Variants in GAD2 observed in about 807,000 individuals in gnomAD.
GAD2 encodes the protein 65 kDa glutamic acid decarboxylase.
Under a neutral mutation model 80.1 loss-of-function variants are expected in GAD2, and 22 were observed. That is an observed-to-expected ratio of 0.27 (90% CI 0.20 to 0.39). The LOEUF (loss-of-function observed/expected upper bound fraction) is 0.39. Among genes scored for constraint, GAD2 ranks in the 10% least tolerant of loss-of-function variants. GAD2 has a pLI of 1.00. For synonymous variants in GAD2, 274 were observed against 256.9 expected, an observed-to-expected ratio of 1.07 and a Z score of -0.64; for missense variants, 624 against 738.4, an observed-to-expected ratio of 0.85 and a Z score of 1.80.
rs765814095 is a variant in GAD2 at position 26,281,069 on chromosome 10, T to G, written c.1218T>G (p.Ala406=). ...KMMGVPLQCS[A]LLVREEGLMQ... ...TGGGAGTCCCTTTGCAGTGCTCTGC[T>G]CTCCTGGTTAGAGAAGAGGTATGTC... Residue 406 remains alanine, a synonymous_variant, in exon 12 of 16, where the codon GCT becomes GCG. Transcript: ENST00000376261. 153 of 1,613,006 alleles carry G rather than the reference T, an allele frequency of 9.5e-5. 1 individual carries two copies. Among genetic ancestry groups the G allele is most frequent in the Middle Eastern group, 1.6e-4 (1 of 6,074 alleles).
chr10:26,282,049 T>C (rs958054270), intron 12 of GAD2, among the ~76,000 whole-genome samples: 19 of 152,076 alleles, frequency 1.2e-4, no homozygotes, highest in Admixed American at 1.2e-3. Flanking sequence ...TTCAAGCGAT[T>C]CTCATATCTC....
chr10:26,293,589 C>T (rs990273095), intron 15 of GAD2, among the ~76,000 whole-genome samples: 2 of 152,164 alleles, frequency 1.3e-5, no homozygotes, highest in Admixed American at 6.5e-5. Flanking sequence ...GCAACAAGGA[C>T]GTTGCTGAAG....
At chr10:26,256,435 C>G (rs181039680) in intron 8 of GAD2, among the ~76,000 whole-genome samples, 1 of 152,250 alleles carries the variant, frequency 6.6e-6, no homozygotes, top group South Asian at 2.1e-4. Flanking sequence ...ATACCTTATT[C>G]GTTTCTTCAG....
chr10:26,222,183 C>T (rs1844460906), intron 4 of GAD2, among the ~76,000 whole-genome samples: 2 of 152,066 alleles, frequency 1.3e-5, no homozygotes, highest in South Asian at 2.1e-4. Flanking sequence ...GCAATGAAAG[C>T]GTCAAACCTG....
intron 4 of GAD2, among the ~76,000 whole-genome samples, chr10:26,222,420 G>T (rs1426677848): frequency 6.6e-6 from 1 of 152,142 alleles, no homozygotes; most frequent in Non-Finnish European, 1.5e-5. Context: ...GTTAGGGAAA[G>T]AGAAATGAAG....
intron 8 of GAD2, 117 bp from the exon 9 acceptor site, chr10:26,269,002 C>A: frequency 1.6e-6 from 1 of 640,460 alleles, no homozygotes; most frequent in Non-Finnish European, 2.7e-6. Flanking sequence ...GAGTTGTTTT[C>A]TCCGAGTATT....
chr10:26,254,281 C>T (rs1341450007), intron 8 of GAD2, among the ~76,000 whole-genome samples: 1 of 152,190 alleles, frequency 6.6e-6, no homozygotes, highest in Non-Finnish European at 1.5e-5. Flanking sequence ...AGGTGATCTG[C>T]CCGCCTCGAC....
chr10:26,226,941 C>T (rs1844534685), intron 6 of GAD2, among the ~76,000 whole-genome samples: 1 of 152,188 alleles, frequency 6.6e-6, no homozygotes, highest in Non-Finnish European at 1.5e-5. Context: ...CCGACCTTTT[C>T]CTAGCTAACA....
chr10:26,268,948 C>G (rs964388788), intron 8 of GAD2, among the ~76,000 whole-genome samples, 171 bp from the exon 9 acceptor site: 4 of 152,160 alleles, frequency 2.6e-5, no homozygotes, highest in African/African-American at 9.7e-5. Context: ...GATAGTCATG[C>G]CTCATCCAGG....
At chr10:26,232,729 C>T (rs1844620002) in intron 7 of GAD2, among the ~76,000 whole-genome samples, 1 of 152,138 alleles carries the variant, frequency 6.6e-6, no homozygotes, top group Non-Finnish European at 1.5e-5. Context: ...TCTTAAACTT[C>T]TGACCTCAGG....
At chr10:26,230,270 G>A (rs1453211547) in intron 7 of GAD2, among the ~76,000 whole-genome samples, 2 of 152,224 alleles carry the variant, frequency 1.3e-5, no homozygotes, top group African/African-American at 4.8e-5. Flanking sequence ...GGAAGGGGAA[G>A]AGGAGGGAAG....
intron 7 of GAD2, among the ~76,000 whole-genome samples, chr10:26,237,591 T>C (rs956349229): frequency 6.6e-6 from 1 of 152,116 alleles, no homozygotes; most frequent in Non-Finnish European, 1.5e-5. Flanking sequence ...AAGAGGGATG[T>C]GCCCTTCCTC....
At chr10:26,240,958 C>T (rs1844734792) in intron 7 of GAD2, among the ~76,000 whole-genome samples, 1 of 151,718 alleles carries the variant, frequency 6.6e-6, no homozygotes, top group African/African-American at 2.4e-5. Flanking sequence ...AGAAGAATGG[C>T]GTGAATCCGG....
chr10:26,258,973 A>G (rs894982634), intron 8 of GAD2, among the ~76,000 whole-genome samples: 1 of 152,116 alleles, frequency 6.6e-6, no homozygotes, highest in East Asian at 1.9e-4. Context: ...GCACGCCACC[A>G]TGCCTAGCTA....
At chr10:26,293,969 T>C (rs960426599) in intron 15 of GAD2, among the ~76,000 whole-genome samples, 1 of 152,228 alleles carries the variant, frequency 6.6e-6, no homozygotes, top group Non-Finnish European at 1.5e-5. Context: ...CCTAAGGGCT[T>C]GAGCTTTAAA....
intron 7 of GAD2, among the ~76,000 whole-genome samples, chr10:26,245,118 A>T (rs1352199383): frequency 6.7e-6 from 1 of 149,444 alleles, no homozygotes; most frequent in Non-Finnish European, 1.5e-5. Flanking sequence ...GCACCATTGC[A>T]TGCCAGCCTG....
intron 11 of GAD2, among the ~76,000 whole-genome samples, chr10:26,279,274 G>A (rs922811984): frequency 6.6e-6 from 1 of 152,110 alleles, no homozygotes; most frequent in South Asian, 2.1e-4. Context: ...AGAATCTGGG[G>A]CCTTAAAAAA....
chr10:26,256,415 T>C (rs1844944161), intron 8 of GAD2, among the ~76,000 whole-genome samples: 1 of 152,176 alleles, frequency 6.6e-6, no homozygotes, highest in African/African-American at 2.4e-5. Flanking sequence ...AATACTATTA[T>C]TAAATGTACA....
At chr10:26,225,078 A>G (rs555713849) in intron 6 of GAD2, among the ~76,000 whole-genome samples, 1 of 152,154 alleles carries the variant, frequency 6.6e-6, no homozygotes, top group South Asian at 2.1e-4. Flanking sequence ...TCTACTCAGT[A>G]GAGCATATGG....
Sources: allele counts gnomAD v4.1 joint callset (sites outside exome capture counted in the v4.1 genomes callset), GRCh38; gene constraint gnomAD v4.1.1; transcripts MANE v1.5; gene names NCBI Gene and HGNC (gene_info 2026-07-23, HGNC 2026-07-21).